Variants in CTTNBP2 observed in about 807,000 individuals in gnomAD.
CTTNBP2 encodes cortactin-binding protein 2.
Under a neutral mutation model 156.9 loss-of-function variants are expected in CTTNBP2, and 108 were observed. The ratio of observed to expected loss-of-function variants is 0.69; its 90% CI spans 0.59 to 0.81. The LOEUF (loss-of-function observed/expected upper bound fraction) is 0.81, where lower values mean the gene tolerates loss of function less well. CTTNBP2 is among the 30% of genes least tolerant of loss of function. CTTNBP2 has a pLI of 0.00. For synonymous variants in CTTNBP2, 767 were observed against 751.8 expected, an observed-to-expected ratio of 1.02 and a Z score of -0.33; for missense variants, 1,924 against 2,035.4, an observed-to-expected ratio of 0.95 and a Z score of 1.05.
intron 1 of CTTNBP2, among the ~76,000 whole-genome samples, chr7:117,867,626 TACA>T (rs781736130): frequency 6.6e-6 from 1 of 152,058 alleles, no homozygotes; most frequent in Non-Finnish European, 1.5e-5. Context: ...ATGTCTCAGG[TACA>T]TCCATCTTAC....
intron 2 of CTTNBP2, among the ~76,000 whole-genome samples, chr7:117,849,376 G>A (rs1802796129): frequency 6.6e-6 from 1 of 152,138 alleles, no homozygotes; most frequent in Non-Finnish European, 1.5e-5. Context: ...GTTGATCTAG[G>A]GTAGGGATTC....
intron 3 of CTTNBP2, among the ~76,000 whole-genome samples, chr7:117,803,490 T>C (rs546652086): frequency 1.3e-5 from 2 of 152,270 alleles, no homozygotes; most frequent in East Asian, 3.9e-4. Flanking sequence ...TCATACGATA[T>C]GCCAATGTGA....
intron 2 of CTTNBP2, among the ~76,000 whole-genome samples, chr7:117,830,350 GC>G (rs1801524758): frequency 1.3e-5 from 2 of 152,096 alleles, no homozygotes; most frequent in Admixed American, 1.3e-4. Flanking sequence ...ATACTACACG[GC>G]CGACAGCAAG....
chr7:117,812,529 A>AT (rs575998711), intron 2 of CTTNBP2, among the ~76,000 whole-genome samples: 199 of 152,214 alleles, frequency 1.3e-3, no homozygotes, highest in African/African-American at 4.3e-3. Context: ...CTTATCATCA[A>AT]CTTAGATTAA....
At chr7:117,831,688 G>A (rs988295980) in intron 2 of CTTNBP2, among the ~76,000 whole-genome samples, 2 of 151,922 alleles carry the variant, frequency 1.3e-5, no homozygotes, top group African/African-American at 4.8e-5. Flanking sequence ...TTGGCTAGAA[G>A]GAGCCTATTC....
chr7:117,777,775 A>G lies in CTTNBP2; in HGVS notation c.2524-10T>C. The G allele has an allele frequency of 6.2e-7, 1 of 1,601,360 alleles. No homozygotes were observed. The highest frequency in any genetic ancestry group is 8.5e-7 in the Non-Finnish European group (1 of 1,170,776). On this transcript the variant is annotated splice_polypyrimidine_tract_variant and intron_variant, in intron 7 of 22. Transcript: ENST00000160373. ...CTGGTGTCCAGCCATCCTGAAAATA[A>G]AATGACCAGGGGGAAAGGGTTGATA...
At chr7:117,838,952 G>C (rs1454968555) in intron 2 of CTTNBP2, among the ~76,000 whole-genome samples, 1 of 94,894 alleles carries the variant, frequency 1.1e-5, no homozygotes, top group African/African-American at 4.6e-5. Context: ...ATAATGTATA[G>C]TAACATTGCG....
chr7:117,805,760 A>C (rs1203084859), intron 3 of CTTNBP2, among the ~76,000 whole-genome samples: 1 of 152,208 alleles, frequency 6.6e-6, no homozygotes, highest in Non-Finnish European at 1.5e-5. Flanking sequence ...TCAGGTCAGT[A>C]TAACAGCAGT....
intron 4 of CTTNBP2, among the ~76,000 whole-genome samples, chr7:117,785,266 AAG>A (rs754355717): frequency 3.3e-5 from 5 of 152,332 alleles, no homozygotes; most frequent in South Asian, 2.1e-4. Context: ...GCAGCTTTAG[AAG>A]AGAGTCTGTT....
At chr7:117,833,038 A>G (rs12532191) in intron 2 of CTTNBP2, among the ~76,000 whole-genome samples, 12,975 of 152,092 alleles carry the variant, frequency 0.085, 691 homozygotes, top group African/African-American at 0.14. Flanking sequence ...TACAGGCGTG[A>G]GCCACCGCAT....
chr7:117,779,284 G>A (rs1350578147), intron 7 of CTTNBP2, among the ~76,000 whole-genome samples: 1 of 152,104 alleles, frequency 6.6e-6, no homozygotes, highest in Non-Finnish European at 1.5e-5. Flanking sequence ...CAAAGGCCAT[G>A]CAACCACTTC....
At chr7:117,788,126 T>C (rs937960257) in intron 4 of CTTNBP2, among the ~76,000 whole-genome samples, 3 of 152,094 alleles carry the variant, frequency 2.0e-5, no homozygotes, top group African/African-American at 4.8e-5. Flanking sequence ...AGGCACACAC[T>C]ACCATGCCCA....
At chr7:117,768,581 A>AAAAAAAAGAAAG (rs1554419704) in intron 8 of CTTNBP2, among the ~76,000 whole-genome samples, 352 of 99,008 alleles carry the variant, frequency 3.6e-3, no homozygotes, top group East Asian at 5.5e-3. Context: ...AAAAAAAAAA[A>AAAAAAAAGAAAG]AAAGAAAGAA....
At chr7:117,869,563 T>C (rs1279992251) in intron 1 of CTTNBP2, among the ~76,000 whole-genome samples, 4 of 152,178 alleles carry the variant, frequency 2.6e-5, no homozygotes, top group Admixed American at 6.5e-5. Flanking sequence ...TATTTGTAAA[T>C]GTCTAAGTAC....
intron 14 of CTTNBP2, among the ~76,000 whole-genome samples, chr7:117,735,958 G>T (rs907980725): frequency 3.9e-5 from 6 of 152,158 alleles, no homozygotes; most frequent in African/African-American, 1.4e-4. Context: ...CGATAAGGGG[G>T]ACGGACCACA....
intron 2 of CTTNBP2, among the ~76,000 whole-genome samples, chr7:117,849,496 G>C (rs995786629): frequency 1.3e-5 from 2 of 152,046 alleles, no homozygotes; most frequent in African/African-American, 4.8e-5. Context: ...AATCTTCAGG[G>C]ACTCTGCACT....
At chr7:117,808,284 G>A (rs1390351582) in intron 3 of CTTNBP2, among the ~76,000 whole-genome samples, 22 of 150,558 alleles carry the variant, frequency 1.5e-4, no homozygotes, top group Non-Finnish European at 3.0e-5. Flanking sequence ...TGATAGACAA[G>A]ATTAAAAAAA....
At chr7:117,871,682 A>G (rs1217309012) in intron 1 of CTTNBP2, 1 of 166,674 alleles carries the variant, frequency 6.0e-6, no homozygotes, top group East Asian at 1.9e-4. Context: ...CATCAGTCAG[A>G]TGTTTGTGTT....
chr7:117,716,190 A>G (rs1345159971), intron 22 of CTTNBP2, among the ~76,000 whole-genome samples: 1 of 94,324 alleles, frequency 1.1e-5, no homozygotes, highest in Non-Finnish European at 2.5e-5. Flanking sequence ...CGCTTTAAAA[A>G]ATATCTTAAA....
Sources: allele counts gnomAD v4.1 joint callset (sites outside exome capture counted in the v4.1 genomes callset), GRCh38; gene constraint gnomAD v4.1.1; transcripts MANE v1.5; gene names NCBI Gene and HGNC (gene_info 2026-07-23, HGNC 2026-07-21).